The following CACNA1E variants were observed in gnomAD, a reference collection of about 807,000 sequenced individuals.
CACNA1E encodes the protein voltage-dependent R-type calcium channel subunit alpha-1E.
In CACNA1E, 40 loss-of-function variants were observed where a neutral mutation model predicts 259.2. The ratio of observed to expected loss-of-function variants is 0.15; its 90% confidence interval spans 0.12 to 0.20. The LOEUF is 0.20. Among genes scored for constraint, CACNA1E ranks in the 10% least tolerant of loss-of-function variants. CACNA1E has a pLI of 1.00. For missense variants in CACNA1E, 1,874 were observed against 3,040.1 expected, an observed-to-expected ratio of 0.62 and a Z score of 9.02; for synonymous variants, 1,104 against 1,138.5, an observed-to-expected ratio of 0.97 and a Z score of 0.61.
At chr1:181,538,779 A>C (rs886852232) in intron 3 of CACNA1E, among the ~76,000 whole-genome samples, 1 of 152,224 alleles carries the variant, frequency 6.6e-6, no homozygotes, top group Non-Finnish European at 1.5e-5. Context: ...GGAGGAAAGC[A>C]AACTGACTAG....
intron 25 of CACNA1E, among the ~76,000 whole-genome samples, chr1:181,740,258 G>A (rs1656438371): frequency 6.6e-6 from 1 of 152,198 alleles, no homozygotes; most frequent in Non-Finnish European, 1.5e-5. Flanking sequence ...GTCATTGATG[G>A]CAGCTGCAAA....
intron 1 of CACNA1E, among the ~76,000 whole-genome samples, chr1:181,358,349 A>G (rs967761623): frequency 6.6e-6 from 1 of 152,164 alleles, no homozygotes; most frequent in Non-Finnish European, 1.5e-5. Flanking sequence ...GTATGAAATC[A>G]TGCTTAAGAT....
intron 2 of CACNA1E, among the ~76,000 whole-genome samples, chr1:181,455,966 GTGGGACTGAGGTTCGGA>G (rs1661439279): frequency 6.6e-6 from 1 of 152,196 alleles, no homozygotes; most frequent in South Asian, 2.1e-4. Context: ...GCCTATGCCT[GTGGGACTGAGGTTCGGA>G]TGGTTACCAT....
chr1:181,750,006 C>G (rs1657449887), intron 25 of CACNA1E, among the ~76,000 whole-genome samples: 1 of 152,232 alleles, frequency 6.6e-6, no homozygotes, highest in Non-Finnish European at 1.5e-5. Flanking sequence ...ATAACTGTGC[C>G]AGTGTGTGAG....
intron 37 of CACNA1E, among the ~76,000 whole-genome samples, chr1:181,775,245 CCACTGAATCT>C (rs1411408874): frequency 6.6e-6 from 1 of 152,132 alleles, no homozygotes; most frequent in Non-Finnish European, 1.5e-5. Flanking sequence ...GGAGGGCATC[CCACTGAATCT>C]CACTAACTTG....
chr1:181,802,257 T>G lies in CACNA1E; in HGVS notation c.*3423T>G, dbSNP rs1662333670. ...TGAAGAATCTGTTTTTCTTCTGGGC[T>G]TCACTTGTAGTTCCTATTCAATGTC... On this transcript the variant is annotated 3_prime_UTR_variant, in exon 48 of 48. Coordinates refer to ENST00000367573, the MANE Select transcript of CACNA1E (RefSeq NM_001205293.3). The G allele has an allele frequency of 6.6e-6, 1 of 152,306 alleles. No homozygotes were observed. Among genetic ancestry groups the G allele is most frequent in the Non-Finnish European group, 1.5e-5 (1 of 68,108 alleles). The allele number at this position is 152,306 out of a possible 1,614,324, so 9.4% of individuals were successfully genotyped here.
intron 7 of CACNA1E, among the ~76,000 whole-genome samples, chr1:181,667,052 T>C (rs1205391720): frequency 6.6e-6 from 1 of 152,146 alleles, no homozygotes; most frequent in Non-Finnish European, 1.5e-5. Context: ...AATTGATATG[T>C]TTGAATTTGT....
At chr1:181,683,209 C>A (rs1650167249) in intron 7 of CACNA1E, among the ~76,000 whole-genome samples, 1 of 152,202 alleles carries the variant, frequency 6.6e-6, no homozygotes, top group African/African-American at 2.4e-5. Flanking sequence ...TAGCAAGTGG[C>A]ACTTTATGCA....
In CACNA1E at chr1:181,364,894, C is replaced by G. The variant is rs114047727; in HGVS notation, c.-15+46771C>G. ...GTGGGCAGGAGGCTTTTCCTGCTCC[C>G]CTGCCCATGGCCCCCTTCCTGCCAG... On this transcript the variant is annotated intron_variant, in intron 1 of 11. Coordinates refer to the CACNA1E transcript ENST00000524607. Among the ~76,000 whole-genome samples, 115 of 152,296 alleles carry G rather than the reference C, an allele frequency of 7.6e-4. 1 individual carries two copies. The highest frequency in any genetic ancestry group is 3.4e-3 in the Middle Eastern group (1 of 294).
intron 23 of CACNA1E, 143 bp downstream of exon 23, chr1:181,737,797 G>C: frequency 8.7e-7 from 1 of 1,153,950 alleles, no homozygotes; most frequent in East Asian, 2.4e-5. Context: ...TCCTCAGGGC[G>C]AAGTATGAAC....
chr1:181,414,230 T>A (rs930936952), intron 2 of CACNA1E, among the ~76,000 whole-genome samples: 1 of 152,238 alleles, frequency 6.6e-6, no homozygotes, highest in African/African-American at 2.4e-5. Flanking sequence ...ATAGAAGGAC[T>A]TTGCTTTGTC....
At chr1:181,409,718 C>T (rs1557980429) in intron 1 of CACNA1E, among the ~76,000 whole-genome samples, 4 of 152,150 alleles carry the variant, frequency 2.6e-5, no homozygotes, top group East Asian at 3.9e-4. Flanking sequence ...ATCGGCTTGG[C>T]AAGCAGTGGG....
chr1:181,368,109 T>C (rs781607673), intron 1 of CACNA1E, among the ~76,000 whole-genome samples: 3 of 152,078 alleles, frequency 2.0e-5, no homozygotes, highest in Non-Finnish European at 4.4e-5. Context: ...TGCACACCTG[T>C]AATCCCAGCT....
intron 35 of CACNA1E, among the ~76,000 whole-genome samples, chr1:181,769,490 T>TGTC (rs1391992141): frequency 6.6e-6 from 1 of 151,618 alleles, no homozygotes; most frequent in Non-Finnish European, 1.5e-5. Context: ...TGCCCAGGCT[T>TGTC]GTCTTGAACT....
chr1:181,540,652 C>T (rs182293470), intron 3 of CACNA1E, among the ~76,000 whole-genome samples: 1 of 152,174 alleles, frequency 6.6e-6, no homozygotes. Flanking sequence ...AAAGGAGCAT[C>T]GTGATCCCTG....
At chr1:181,674,906 G>T (rs925118107) in intron 7 of CACNA1E, among the ~76,000 whole-genome samples, 1 of 152,232 alleles carries the variant, frequency 6.6e-6, no homozygotes, top group African/African-American at 2.4e-5. Context: ...GGTGGCTTAT[G>T]TTCAGTGTGG....
At chr1:181,592,243 C>T (rs1198724942) in intron 6 of CACNA1E, among the ~76,000 whole-genome samples, 2 of 152,172 alleles carry the variant, frequency 1.3e-5, no homozygotes, top group Non-Finnish European at 2.9e-5. Flanking sequence ...ATTAAATGTT[C>T]TGTCTCCTGG....
At chr1:181,706,257 G>A (rs1652787402) in intron 7 of CACNA1E, among the ~76,000 whole-genome samples, 1 of 152,040 alleles carries the variant, frequency 6.6e-6, no homozygotes, top group African/African-American at 2.4e-5. Context: ...CAGTCATCTG[G>A]TAAACTAAAT....
chr1:181,601,513 C>T (rs1443971463), intron 6 of CACNA1E, among the ~76,000 whole-genome samples: 3 of 152,158 alleles, frequency 2.0e-5, no homozygotes, highest in African/African-American at 7.2e-5. Context: ...CCTCTTATAT[C>T]ATTATTAGAT....
Sources: gnomAD v4.1 joint callset for allele counts (sites outside exome capture counted in the v4.1 genomes callset) on GRCh38, gnomAD v4.1.1 for gene constraint, MANE v1.5 for transcripts, NCBI Gene and HGNC (gene_info 2026-07-23, HGNC 2026-07-21) for gene names.